ARFGEF2: variants seen among roughly 807,000 people sequenced by gnomAD.
The protein encoded by ARFGEF2 is ARF guanine nucleotide exchange factor 2.
ARFGEF2 carries 74 observed loss-of-function variants against 219.9 expected under a neutral mutation model. That is an observed-to-expected ratio of 0.34 (90% CI 0.28 to 0.41). ARFGEF2 has a LOEUF of 0.41. Among genes scored for constraint, ARFGEF2 ranks in the 10% least tolerant of loss-of-function variants. ARFGEF2 has a pLI of 1.00. For missense variants in ARFGEF2, 1,743 were observed against 2,218.3 expected (o/e 0.79, Z 4.30); for synonymous variants, 733 against 799.2 (o/e 0.92, Z 1.40).
intron 16 of ARFGEF2, among the ~76,000 whole-genome samples, chr20:48,986,474 C>T (rs1163701397): frequency 6.6e-6 from 1 of 150,424 alleles, no homozygotes; most frequent in African/African-American, 2.4e-5. Flanking sequence ...TCCAAAAATA[C>T]AAAAAAAAAT....
chr20:48,936,611 G>A (rs993615791), intron 1 of ARFGEF2, among the ~76,000 whole-genome samples: 1 of 152,098 alleles, frequency 6.6e-6, no homozygotes, highest in Admixed American at 6.5e-5. Context: ...TGCGCCCTTT[G>A]CCTCCAGGGT....
rs753729870 is a variant in ARFGEF2 at position 49,023,154 on chromosome 20, G to A, written c.4728G>A (p.Glu1576=). 1 of 1,614,182 alleles carries A rather than the reference G, an allele frequency of 6.2e-7. No individual in the cohort carries two copies. Among genetic ancestry groups the A allele is most frequent in the South Asian group, 1.1e-5 (1 of 91,072 alleles). ...TCTACCCTGCGACGAGCAAAAAGGAGGATGCAGAGCACATGGTTGCCGCCC... is the reference window on the plus strand; with the variant it reads ...TCTACCCTGCGACGAGCAAAAAGGAAGATGCAGAGCACATGGTTGCCGCCC... The part of the protein sequence containing the change: ...IVFYPATSKK[E]DAEHMVAAQQ... The change falls in exon 35 of 39, where the codon GAG becomes GAA. Residue 1576 remains glutamate, a synonymous_variant. Transcript: ENST00000371917.
intron 5 of ARFGEF2, among the ~76,000 whole-genome samples, 190 bp downstream of exon 5, chr20:48,953,074 C>A (rs2091081210): frequency 6.6e-6 from 1 of 151,618 alleles, no homozygotes; most frequent in Non-Finnish European, 1.5e-5. Flanking sequence ...AATTTGTGTT[C>A]AGAATTTGTT....
At chr20:49,007,290 CT>C (rs11483342) in intron 26 of ARFGEF2, among the ~76,000 whole-genome samples, 92 of 137,622 alleles carry the variant, frequency 6.7e-4, no homozygotes, top group Admixed American at 8.9e-4. Flanking sequence ...CAGCCTGGAT[CT>C]TTTTTTTTTT....
chr20:48,945,854 A>G (rs2091022684), intron 3 of ARFGEF2, among the ~76,000 whole-genome samples: 1 of 152,018 alleles, frequency 6.6e-6, no homozygotes, highest in African/African-American at 2.4e-5. Flanking sequence ...ACAAAGCAAG[A>G]CCCTGTCTCT....
chr20:48,973,163 A>G lies in ARFGEF2; in HGVS notation c.1544A>G (p.Asp515Gly). ...RICADAQCVV[D>G]IYVNYDCDLN... ...TTCCAAGATGCCCAGTGTGTTGTGGATATTTATGTCAACTACGACTGTGAT... is the reference window on the plus strand; with the variant it reads ...TTCCAAGATGCCCAGTGTGTTGTGGGTATTTATGTCAACTACGACTGTGAT... The change falls in exon 12 of 39, where the codon GAT becomes GGT. Residue 515 changes from aspartate to glycine, a missense_variant. Physicochemically the swap from Asp to Gly is moderately conservative, Grantham distance 94. This residue lies in a region of ARFGEF2 where 666 missense variants were observed against 955.4 expected (regional missense o/e 0.70). Coordinates refer to ENST00000371917, the MANE Select transcript of ARFGEF2 (RefSeq NM_006420.3). The G allele has an allele frequency of 6.2e-7, 1 of 1,614,156 alleles. No individual in the cohort carries two copies. Among genetic ancestry groups the G allele is most frequent in the Non-Finnish European group, 8.5e-7 (1 of 1,180,008 alleles).
chr20:48,984,677 A>G lies in ARFGEF2; in HGVS notation c.1959-52A>G, dbSNP rs73909764. On this transcript the variant is annotated intron_variant, in intron 14 of 38. Coordinates refer to ENST00000371917, the MANE Select transcript of ARFGEF2 (RefSeq NM_006420.3). Reference sequence around the variant, plus strand: ...TTTATCTCAAATACCAGCTTTTGCTATCCTCCAGATTTTGAAATAAGCAAC... The same window carrying G: ...TTTATCTCAAATACCAGCTTTTGCTGTCCTCCAGATTTTGAAATAAGCAAC... 16,777 of 1,609,696 alleles carry G rather than the reference A, an allele frequency of 0.01. 942 individuals are homozygous for G. The African/African-American group carries it at 0.16, about 15-fold the overall frequency.
At chr20:49,017,217 A>G in intron 31 of ARFGEF2, 32 bp from the exon 32 acceptor site, 2 of 1,611,400 alleles carry the variant, frequency 1.2e-6, no homozygotes, top group South Asian at 1.1e-5. Context: ...TAGCAGTAGA[A>G]GTTTAATGAT....
chr20:48,956,768 C>T (rs1039386829), intron 6 of ARFGEF2, among the ~76,000 whole-genome samples: 25 of 152,212 alleles, frequency 1.6e-4, no homozygotes, highest in African/African-American at 5.1e-4. Context: ...TTAGTAGAAA[C>T]GGAGTTTCAC....
rs368521599 is a variant in ARFGEF2 at position 48,963,902 on chromosome 20, A to G, written c.907+4A>G. On this transcript the variant is annotated splice_donor_region_variant and intron_variant, in intron 7 of 38. Coordinates refer to ENST00000371917, the MANE Select transcript of ARFGEF2 (RefSeq NM_006420.3). ...GTAGTCACATCTGCCATTAAAGGTAAGAACCAAGGACAACCCAGCCTTTCC... is the reference window on the plus strand; with the variant it reads ...GTAGTCACATCTGCCATTAAAGGTAGGAACCAAGGACAACCCAGCCTTTCC... The G allele has an allele frequency of 1.2e-6, 2 of 1,613,768 alleles. No homozygotes were observed.
At chr20:48,943,311 T>C (rs985288085) in intron 3 of ARFGEF2, among the ~76,000 whole-genome samples, 4 of 152,304 alleles carry the variant, frequency 2.6e-5, no homozygotes, top group African/African-American at 9.6e-5. Context: ...AAATAAATTT[T>C]AGTGAGTAGG....
At chr20:48,952,008 T>G (rs2123352028) in intron 4 of ARFGEF2, among the ~76,000 whole-genome samples, 1 of 152,238 alleles carries the variant, frequency 6.6e-6, no homozygotes, top group East Asian at 1.9e-4. Flanking sequence ...CACTAGGGAA[T>G]TGGGAAACTG....
chr20:48,926,964 G>A (rs908297139), intron 1 of ARFGEF2, among the ~76,000 whole-genome samples: 2 of 152,138 alleles, frequency 1.3e-5, no homozygotes, highest in Non-Finnish European at 2.9e-5. Flanking sequence ...ATGGGTCATT[G>A]GTGACCTTAG....
chr20:48,988,171 C>T (rs534876601), intron 16 of ARFGEF2, 133 bp from the exon 17 acceptor site: 25 of 698,872 alleles, frequency 3.6e-5, no homozygotes, highest in Admixed American at 2.3e-4. Flanking sequence ...ATGATGAAAG[C>T]GTAAAAACTC....
rs764910123 is a variant in ARFGEF2 at position 48,951,482 on chromosome 20, G to T, written c.423+13G>T. The T allele has an allele frequency of 6.2e-7, 1 of 1,614,090 alleles. No individual in the cohort carries two copies. The highest frequency in any genetic ancestry group is 1.1e-5 in the South Asian group (1 of 91,068). ...ACAAATAATTAAGGTATGCCTATTT[G>T]TTTGCCTGTCTGGTTTTTAAATTAG... is the stretch of plus-strand genomic sequence containing the variant. On this transcript the variant is annotated intron_variant, in intron 4 of 38. Coordinates refer to ENST00000371917, the MANE Select transcript of ARFGEF2 (RefSeq NM_006420.3).
chr20:48,941,018 C>T (rs2090990013), intron 1 of ARFGEF2, among the ~76,000 whole-genome samples, 181 bp from the exon 2 acceptor site: 1 of 152,180 alleles, frequency 6.6e-6, no homozygotes, highest in African/African-American at 2.4e-5. Flanking sequence ...CCAGTCACTC[C>T]ATGTAAGTGT....
intron 1 of ARFGEF2, among the ~76,000 whole-genome samples, chr20:48,925,828 C>G: frequency 6.6e-6 from 1 of 152,012 alleles, no homozygotes; most frequent in East Asian, 1.9e-4. Flanking sequence ...CAGGGTGAGA[C>G]CCTCACACAA....
chr20:48,977,663 G>A (rs914334677), intron 14 of ARFGEF2, among the ~76,000 whole-genome samples: 1 of 152,064 alleles, frequency 6.6e-6, no homozygotes. Context: ...TTTAATGATC[G>A]CCATTCTAAC....
intron 1 of ARFGEF2, among the ~76,000 whole-genome samples, chr20:48,937,549 C>T (rs2090966616): frequency 6.6e-6 from 1 of 152,146 alleles, no homozygotes; most frequent in Admixed American, 6.5e-5. Context: ...GGACTGGCCT[C>T]AAGATTTTTT....
Sources: gnomAD v4.1 joint callset for allele counts (sites outside exome capture counted in the v4.1 genomes callset) on GRCh38, gnomAD v4.1.1 for gene constraint, gnomAD v4.1.1 regional missense constraint, MANE v1.5 for transcripts, NCBI Gene and HGNC (gene_info 2026-07-23, HGNC 2026-07-21) for gene names.